The following DMD variants were observed in gnomAD, a reference collection of about 807,000 sequenced individuals.
DMD encodes the protein dystrophin.
Under a neutral mutation model 330.1 loss-of-function variants are expected in DMD, and 63 were observed. The observed-to-expected ratio is 0.19, with a 90% CI of 0.16 to 0.24. The LOEUF (loss-of-function observed/expected upper bound fraction) is 0.24. Among genes scored for constraint, DMD ranks in the 10% least tolerant of loss-of-function variants. The probability of loss-of-function intolerance (pLI) is 1.00; values close to 1 mark genes in which losing one functional copy is unlikely to be tolerated. For missense variants in DMD, 3,344 were observed against 2,684.1 expected (o/e 1.25, Z -5.43); for synonymous variants, 1,223 against 959.8 (o/e 1.27, Z -5.07).
intron 29 of DMD, among the ~76,000 whole-genome samples, chrX:32,429,650 C>A (rs1004769512): frequency 3.7e-5 from 4 of 108,478 alleles, no homozygotes; most frequent in Non-Finnish European, 7.6e-5. Flanking sequence ...GAGAACTGTT[C>A]CTTTTATCAT....
At chrX:32,320,072 A>T (rs2097604262) in intron 41 of DMD, among the ~76,000 whole-genome samples, 1 of 111,196 alleles carries the variant, frequency 9.0e-6, no homozygotes. Flanking sequence ...AAAAATAAGT[A>T]TGGAAAGACC....
intron 57 of DMD, among the ~76,000 whole-genome samples, chrX:31,482,537 G>A (rs2068390135): frequency 9.1e-6 from 1 of 110,406 alleles, no homozygotes; most frequent in Admixed American, 9.7e-5. Context: ...GAGGAAGAGG[G>A]TGACCAAGTG....
intron 44 of DMD, among the ~76,000 whole-genome samples, chrX:32,081,395 G>C (rs772407896): frequency 8.9e-6 from 1 of 111,812 alleles, no homozygotes; most frequent in South Asian, 3.8e-4. Context: ...TGGGTTGACT[G>C]TCTCATTAAC....
At chrX:31,978,798 TCCATGAGAG>T (rs754393702) in intron 44 of DMD, among the ~76,000 whole-genome samples, 1 of 111,649 alleles carries the variant, frequency 9.0e-6, no homozygotes, top group Admixed American at 9.5e-5. Flanking sequence ...GACCATGAGA[TCCATGAGAG>T]CAGGAACTGT....
chrX:31,497,844 C>T (rs998740630), intron 56 of DMD, among the ~76,000 whole-genome samples: 1 of 112,280 alleles, frequency 8.9e-6, no homozygotes, highest in African/African-American at 3.2e-5. Context: ...CTCAATCACT[C>T]AGCTATTATC....
At chrX:32,694,871 G>A (rs767206441) in intron 9 of DMD, among the ~76,000 whole-genome samples, 32 of 111,285 alleles carry the variant, frequency 2.9e-4, no homozygotes, top group Non-Finnish European at 5.7e-4. Context: ...GGTTCGGTTG[G>A]TCTCGAACTC....
chrX:32,463,410 C>T, intron 25 of DMD, 29 bp downstream of exon 25: 2 of 1,168,033 alleles, frequency 1.7e-6, no homozygotes, highest in Non-Finnish European at 2.3e-6. Flanking sequence ...TACGTTGAGG[C>T]AAGCCACAGT....
At chrX:32,021,653 C>G (rs2095806764) in intron 44 of DMD, among the ~76,000 whole-genome samples, 1 of 112,006 alleles carries the variant, frequency 8.9e-6, no homozygotes, top group Admixed American at 9.5e-5. Context: ...AAAATATACA[C>G]TAGATTTCAG....
chrX:31,963,946 G>A (rs998463928), intron 45 of DMD, among the ~76,000 whole-genome samples: 3 of 109,249 alleles, frequency 2.7e-5, no homozygotes, highest in Non-Finnish European at 3.8e-5. Context: ...TATTAATTGC[G>A]AAGAAAAAAT....
chrX:32,705,269 A>G (rs2064513488), intron 7 of DMD, among the ~76,000 whole-genome samples: 1 of 112,139 alleles, frequency 8.9e-6, no homozygotes, highest in South Asian at 3.7e-4. Flanking sequence ...CACTGATACA[A>G]GCAGTTGCTT....
At chrX:32,713,208 A>G (rs1043582508) in intron 7 of DMD, among the ~76,000 whole-genome samples, 1 of 112,013 alleles carries the variant, frequency 8.9e-6, no homozygotes, top group Non-Finnish European at 1.9e-5. Context: ...AGAATTATCT[A>G]GAAAACTGAA....
intron 9 of DMD, among the ~76,000 whole-genome samples, chrX:32,649,473 G>C (rs1008433510): frequency 9.4e-6 from 1 of 106,263 alleles, no homozygotes; most frequent in Non-Finnish European, 1.9e-5. Flanking sequence ...GGAGAAAGGC[G>C]TGAACCCGGG....
At chrX:32,268,799 G>T (rs331350) in intron 43 of DMD, among the ~76,000 whole-genome samples, 46,891 of 109,812 alleles carry the variant, frequency 0.43, 7,782 homozygotes, top group African/African-American at 0.56. Flanking sequence ...AAATGAATAA[G>T]GTACTCTTTT....
intron 27 of DMD, among the ~76,000 whole-genome samples, chrX:32,447,633 T>C (rs183652108): frequency 9.0e-6 from 1 of 111,529 alleles, no homozygotes; most frequent in African/African-American, 3.2e-5. Context: ...AGTAAAGAGG[T>C]ACCTGAACAC....
rs150668983 is a variant in DMD at position 32,497,680 on chromosome X, T to C, written c.2380+4075A>G. On this transcript the variant is annotated intron_variant, in intron 19 of 78. Coordinates refer to ENST00000357033, the MANE Select transcript of DMD (RefSeq NM_004006.3). ...GTTATGCCTGATTGATGAGACTGTATGTACTCATGCGAGAACACTGTTTTA... is the reference window on the plus strand; with the variant it reads ...GTTATGCCTGATTGATGAGACTGTACGTACTCATGCGAGAACACTGTTTTA... Among the ~76,000 whole-genome samples the C allele has an allele frequency of 6.0e-3, 674 of 112,041 alleles. 7 individuals are homozygous for C. The highest frequency in any genetic ancestry group is 0.02 in the African/African-American group (618 of 30,959).
chrX:32,828,429 A>C (rs1008508189), intron 4 of DMD, among the ~76,000 whole-genome samples: 4 of 107,142 alleles, frequency 3.7e-5, no homozygotes, highest in Non-Finnish European at 7.7e-5. Context: ...CAGGATGTAT[A>C]TACTGGATCA....
intron 44 of DMD, among the ~76,000 whole-genome samples, chrX:32,117,004 A>G (rs1163953073): frequency 8.9e-6 from 1 of 111,900 alleles, no homozygotes; most frequent in Non-Finnish European, 1.9e-5. Flanking sequence ...CAGCCCCCCA[A>G]GTAATGAACC....
intron 9 of DMD, among the ~76,000 whole-genome samples, chrX:32,671,322 A>C (rs1012096305): frequency 9.0e-6 from 1 of 110,969 alleles, no homozygotes; most frequent in Non-Finnish European, 1.9e-5. Flanking sequence ...TTCTTATTCC[A>C]ATTAACTATA....
chrX:32,258,011 A>G (rs1222350134), intron 43 of DMD, among the ~76,000 whole-genome samples: 1 of 111,523 alleles, frequency 9.0e-6, no homozygotes, highest in African/African-American at 3.3e-5. Flanking sequence ...AAGGATATGA[A>G]CAGACACTTC....
Sources: allele counts gnomAD v4.1 joint callset (sites outside exome capture counted in the v4.1 genomes callset), GRCh38; gene constraint gnomAD v4.1.1; transcripts MANE v1.5; gene names NCBI Gene and HGNC (gene_info 2026-07-23, HGNC 2026-07-21).